The following SYT9 variants were observed in gnomAD, a reference collection of about 807,000 sequenced individuals.
SYT9 encodes the protein synaptotagmin 9.
In SYT9, 22 loss-of-function variants were observed where a neutral mutation model predicts 48.4. That is an observed-to-expected ratio of 0.45 (90% confidence interval 0.32 to 0.65). SYT9 has a LOEUF of 0.65. Ranked by LOEUF, SYT9 falls within the 30% of genes least tolerant of loss-of-function variation. The pLI, the probability that SYT9 is intolerant of heterozygous loss-of-function variation, is 0.03. For missense variants in SYT9, 577 were observed against 622.0 expected (o/e 0.93, Z 0.77); for synonymous variants, 265 against 245.0 (o/e 1.08, Z -0.76).
chr11:7,415,849 C>T (rs1847235902), intron 3 of SYT9, among the ~76,000 whole-genome samples, 193 bp from the exon 4 acceptor site: 1 of 152,168 alleles, frequency 6.6e-6, no homozygotes, highest in Non-Finnish European at 1.5e-5. Flanking sequence ...TGTGCCTCCT[C>T]AGGGTGAGGT....
intron 3 of SYT9, among the ~76,000 whole-genome samples, chr11:7,415,744 A>G (rs1289131503): frequency 1.3e-5 from 2 of 152,122 alleles, no homozygotes; most frequent in African/African-American, 2.4e-5. Flanking sequence ...GTTCTGGGCT[A>G]CCTGGACACA....
At chr11:7,257,472 A>G (rs943632554) in intron 1 of SYT9, among the ~76,000 whole-genome samples, 1 of 152,184 alleles carries the variant, frequency 6.6e-6, no homozygotes, top group Non-Finnish European at 1.5e-5. Flanking sequence ...ACCCTATGTT[A>G]AATTATAATG....
At chr11:7,338,824 T>G (rs1168956237) in intron 3 of SYT9, among the ~76,000 whole-genome samples, 1 of 152,080 alleles carries the variant, frequency 6.6e-6, no homozygotes, top group East Asian at 1.9e-4. Context: ...TATTCTGTTT[T>G]TGAGTGGAGA....
At chr11:7,253,298 T>C (rs1177592859) in intron 1 of SYT9, among the ~76,000 whole-genome samples, 1 of 152,226 alleles carries the variant, frequency 6.6e-6, no homozygotes, top group African/African-American at 2.4e-5. Flanking sequence ...GGTTGGATTG[T>C]TAAAAATGGG....
At chr11:7,381,116 C>G (rs368000581) in intron 3 of SYT9, among the ~76,000 whole-genome samples, 29 of 152,222 alleles carry the variant, frequency 1.9e-4, no homozygotes, top group African/African-American at 7.0e-4. Flanking sequence ...ATAAATTCAC[C>G]TCATTTTACT....
At chr11:7,389,240 A>T (rs1589991182) in intron 3 of SYT9, among the ~76,000 whole-genome samples, 2 of 152,232 alleles carry the variant, frequency 1.3e-5, no homozygotes, top group Non-Finnish European at 1.5e-5. Flanking sequence ...TGAATTATTG[A>T]ACCTGAGGAT....
chr11:7,433,741 G>A (rs1466312420), intron 6 of SYT9, among the ~76,000 whole-genome samples: 2 of 152,220 alleles, frequency 1.3e-5, no homozygotes, highest in Admixed American at 6.5e-5. Flanking sequence ...CCATGAGGCA[G>A]AGAGCTAGCA....
intron 2 of SYT9, among the ~76,000 whole-genome samples, chr11:7,308,297 C>T (rs1488558368): frequency 2.0e-5 from 3 of 152,270 alleles, no homozygotes; most frequent in East Asian, 3.9e-4. Context: ...ACACTGGTGC[C>T]CGAGAACCAG....
At chr11:7,393,378 T>C (rs1212971621) in intron 3 of SYT9, among the ~76,000 whole-genome samples, 5 of 151,926 alleles carry the variant, frequency 3.3e-5, no homozygotes, top group African/African-American at 1.2e-4. Flanking sequence ...TTTTTTTTAA[T>C]AATTCTGCTT....
chr11:7,381,939 C>T (rs1850572702), intron 3 of SYT9, among the ~76,000 whole-genome samples: 1 of 152,120 alleles, frequency 6.6e-6, no homozygotes, highest in South Asian at 2.1e-4. Flanking sequence ...GGAGGGGAAT[C>T]CCAATCATGT....
intron 6 of SYT9, chr11:7,435,985 A>G (rs960980741): frequency 2.0e-5 from 3 of 148,026 alleles, no homozygotes; most frequent in Non-Finnish European, 4.5e-5. Flanking sequence ...CATCTAGAAA[A>G]AGAAAAAAAA....
intron 6 of SYT9, among the ~76,000 whole-genome samples, chr11:7,420,898 G>A (rs1348643658): frequency 6.6e-6 from 1 of 152,148 alleles, no homozygotes; most frequent in Admixed American, 6.5e-5. Context: ...CTCTGCTTCT[G>A]TGTTAAGGCT....
At chr11:7,361,458 C>T (rs1850135376) in intron 3 of SYT9, among the ~76,000 whole-genome samples, 1 of 152,146 alleles carries the variant, frequency 6.6e-6, no homozygotes, top group African/African-American at 2.4e-5. Flanking sequence ...ATATAGTCAA[C>T]TTTTATAACT....
At chr11:7,285,287 A>G (rs1431844839) in intron 1 of SYT9, among the ~76,000 whole-genome samples, 1 of 152,204 alleles carries the variant, frequency 6.6e-6, no homozygotes, top group Non-Finnish European at 1.5e-5. Flanking sequence ...GAAACTTACA[A>G]TCATGGCAGA....
chr11:7,342,285 A>T (rs1176568552), intron 3 of SYT9, among the ~76,000 whole-genome samples: 1 of 152,206 alleles, frequency 6.6e-6, no homozygotes, highest in Non-Finnish European at 1.5e-5. Context: ...CCAAAGACTC[A>T]TCTGAGACAA....
In SYT9 at chr11:7,468,342, G is replaced by A. The variant is rs931505679; in HGVS notation, c.*1542G>A. On this transcript the variant is annotated 3_prime_UTR_variant, in exon 7 of 7. Coordinates refer to ENST00000318881, the MANE Select transcript of SYT9 (RefSeq NM_175733.4). The stretch of plus-strand genomic sequence containing the variant: ...CTACTTTGATGGCAGATCTAAGAAG[G>A]CTATAGGCCTTTGTTTGTAGGAAGC... 1.3e-5 allele frequency: 5 copies of A among 398,502 alleles called. No homozygotes were observed. Among genetic ancestry groups the A allele is most frequent in the African/African-American group, 1.0e-4 (5 of 48,634 alleles). 24.7% of individuals were successfully genotyped at this position (398,502 alleles called of 1,614,324 possible). A position where few individuals can be genotyped will look rare whatever the true frequency, so the allele number is the denominator to read the frequency against.
intron 3 of SYT9, among the ~76,000 whole-genome samples, chr11:7,377,104 A>G (rs576050128): frequency 3.7e-4 from 56 of 150,426 alleles, no homozygotes; most frequent in Non-Finnish European, 5.2e-4. Context: ...CCTGATGTCA[A>G]CTGTCCCTGA....
At chr11:7,395,694 G>A (rs766314383) in intron 3 of SYT9, among the ~76,000 whole-genome samples, 1 of 152,060 alleles carries the variant, frequency 6.6e-6, no homozygotes, top group Non-Finnish European at 1.5e-5. Flanking sequence ...TTGCGTAATA[G>A]ATTTTTCTCC....
At chr11:7,452,607 T>C (rs997292588) in intron 6 of SYT9, among the ~76,000 whole-genome samples, 1 of 152,140 alleles carries the variant, frequency 6.6e-6, no homozygotes, top group East Asian at 1.9e-4. Context: ...CCAGAGTGCT[T>C]TTGTTTTTAT....
Sources: allele counts gnomAD v4.1 joint callset (sites outside exome capture counted in the v4.1 genomes callset), GRCh38; gene constraint gnomAD v4.1.1; transcripts MANE v1.5; gene names NCBI Gene and HGNC (gene_info 2026-07-23, HGNC 2026-07-21).